Variants in CADPS2 observed in about 807,000 individuals in gnomAD.
The protein encoded by CADPS2 is calcium dependent secretion activator 2, also known as calcium-dependent secretion activator 2.
In CADPS2, 93 loss-of-function variants were observed where a neutral mutation model predicts 172.5. The observed-to-expected ratio is 0.54, with a 90% CI of 0.46 to 0.64. The LOEUF (loss-of-function observed/expected upper bound fraction) is 0.64, where lower values mean the gene tolerates loss of function less well. CADPS2 is among the 30% of genes least tolerant of loss of function. The probability of loss-of-function intolerance (pLI) is 0.00; values close to 1 mark genes in which losing one functional copy is unlikely to be tolerated. For synonymous variants in CADPS2, 546 were observed against 555.2 expected, an observed-to-expected ratio of 0.98 and a Z score of 0.23; for missense variants, 1,420 against 1,565.9, an observed-to-expected ratio of 0.91 and a Z score of 1.57.
At chr7:122,368,243 C>T (rs1168745335) in intron 25 of CADPS2, 1 of 152,322 alleles carries the variant, frequency 6.6e-6, no homozygotes, top group Non-Finnish European at 1.5e-5. Context: ...AGTTGCCCCA[C>T]CTGGTTACTC....
At chr7:122,837,058 C>T (rs965208722) in intron 1 of CADPS2, among the ~76,000 whole-genome samples, 3 of 152,182 alleles carry the variant, frequency 2.0e-5, no homozygotes, top group African/African-American at 7.2e-5. Context: ...TGTAAAAGAA[C>T]ATAAATTATA....
intron 14 of CADPS2, among the ~76,000 whole-genome samples, chr7:122,471,164 G>T (rs1478697718): frequency 6.6e-6 from 1 of 151,364 alleles, no homozygotes; most frequent in Non-Finnish European, 1.5e-5. Flanking sequence ...CTTTCGAGTG[G>T]CTTTACCAGC....
chr7:122,801,766 T>A (rs564811597), intron 1 of CADPS2, among the ~76,000 whole-genome samples: 188 of 134,738 alleles, frequency 1.4e-3, no homozygotes, highest in African/African-American at 5.6e-3. Context: ...TCTTTTTTTT[T>A]AATTTTTATT....
At chr7:122,645,733 A>G (rs1434677232) in intron 3 of CADPS2, among the ~76,000 whole-genome samples, 1 of 142,550 alleles carries the variant, frequency 7.0e-6, no homozygotes, top group Non-Finnish European at 1.5e-5. Flanking sequence ...TGCGGTAATA[A>G]AGAACAAGTT....
chr7:122,371,201 T>G (rs2041720378), intron 25 of CADPS2, among the ~76,000 whole-genome samples: 1 of 152,144 alleles, frequency 6.6e-6, no homozygotes, highest in Non-Finnish European at 1.5e-5. Flanking sequence ...CAATAAATGG[T>G]CAAATCGGTA....
chr7:122,408,915 T>C (rs2151680053), intron 19 of CADPS2, among the ~76,000 whole-genome samples: 1 of 152,310 alleles, frequency 6.6e-6, no homozygotes, highest in South Asian at 2.1e-4. Flanking sequence ...TGCCATGTAA[T>C]TAATTAGCAG....
chr7:122,553,361 GA>G (rs2064575348), intron 8 of CADPS2, among the ~76,000 whole-genome samples: 1 of 152,084 alleles, frequency 6.6e-6, no homozygotes, highest in African/African-American at 2.4e-5. Flanking sequence ...TTAAATCCCA[GA>G]TACTCCATGT....
Position 122,867,672 on chromosome 7 carries a change from C to A in CADPS2, c.339+18327G>T, listed in dbSNP as rs140931171. Among the ~76,000 whole-genome samples the A allele has an allele frequency of 3.6e-3, 541 of 152,286 alleles. 1 individual carries two copies. The highest frequency in any genetic ancestry group is 0.031 in the Middle Eastern group (9 of 294). On this transcript the variant is annotated intron_variant, in intron 1 of 29. Coordinates refer to ENST00000449022, the MANE Select transcript of CADPS2 (RefSeq NM_017954.11). The stretch of plus-strand genomic sequence containing the variant: ...TCCCAGCAGTTGTAGCCCCCAGGAT[C>A]AGCCCAACTTCTATAAACCTGCATA...
At chr7:122,736,424 TGAAAACTGGTGCTCATAG>T (rs2092153079) in intron 2 of CADPS2, among the ~76,000 whole-genome samples, 1 of 152,126 alleles carries the variant, frequency 6.6e-6, no homozygotes, top group South Asian at 2.1e-4. Flanking sequence ...TGACCATGTG[TGAAAACTGGTGCTCATAG>T]GAAATCCATA....
chr7:122,488,956 G>A (rs2058069183), intron 11 of CADPS2, among the ~76,000 whole-genome samples: 1 of 152,042 alleles, frequency 6.6e-6, no homozygotes, highest in Admixed American at 6.6e-5. Flanking sequence ...CAGCAGCAGC[G>A]AGTTAAATTT....
chr7:122,708,393 T>C (rs1435752317), intron 2 of CADPS2, among the ~76,000 whole-genome samples: 1 of 150,502 alleles, frequency 6.6e-6, no homozygotes, highest in African/African-American at 2.4e-5. Flanking sequence ...AGTTAGAATA[T>C]TCATAATGAG....
rs73717680 is a variant in CADPS2, at chr7:122,556,044, C to T, written c.1336-1355G>A. ...CTTTTCTCAAGTCCTTCCTATAAAG[C>T]CATAGCTGTGTTGAATCCAGCATAT... On this transcript the variant is annotated intron_variant, in intron 7 of 29. Transcript: ENST00000449022. 7.8e-3 allele frequency among the ~76,000 whole-genome samples: 1,186 copies of T among 152,110 alleles called. 16 individuals are homozygous for T. The highest frequency in any genetic ancestry group is 0.028 in the African/African-American group (1,146 of 41,518).
intron 20 of CADPS2, among the ~76,000 whole-genome samples, chr7:122,401,433 C>T (rs967608792): frequency 3.3e-5 from 5 of 152,116 alleles, no homozygotes; most frequent in East Asian, 1.9e-4. Context: ...CAAGGGTTTG[C>T]GTTTCAGTAG....
chr7:122,390,593 C>T (rs1248141986), intron 22 of CADPS2, among the ~76,000 whole-genome samples: 3 of 152,070 alleles, frequency 2.0e-5, no homozygotes, highest in East Asian at 3.9e-4. Flanking sequence ...TAATACATGG[C>T]AATCTTCATA....
chr7:122,386,386 T>C, intron 24 of CADPS2: 1 of 906,182 alleles, frequency 1.1e-6, no homozygotes, highest in East Asian at 3.0e-5. Flanking sequence ...GAAGAAAAAG[T>C]AATTACAATG....
intron 14 of CADPS2, among the ~76,000 whole-genome samples, chr7:122,456,296 CA>C (rs1180772295): frequency 6.6e-6 from 1 of 151,902 alleles, no homozygotes; most frequent in African/African-American, 2.4e-5. Flanking sequence ...ACATAAAAGA[CA>C]AATTTTCTCA....
chr7:122,487,833 A>G (rs1024201277), intron 11 of CADPS2, among the ~76,000 whole-genome samples: 26 of 152,182 alleles, frequency 1.7e-4, no homozygotes, highest in Non-Finnish European at 4.4e-5. Flanking sequence ...GTAACATAAG[A>G]CAGAAGCCCA....
intron 5 of CADPS2, among the ~76,000 whole-genome samples, chr7:122,618,126 A>G (rs1018117629): frequency 2.6e-5 from 4 of 151,644 alleles, no homozygotes; most frequent in African/African-American, 4.8e-5. Context: ...TTGTTTTTCT[A>G]GTATTGCTTG....
intron 1 of CADPS2, among the ~76,000 whole-genome samples, chr7:122,795,773 G>A (rs1796245499): frequency 6.6e-6 from 1 of 152,094 alleles, no homozygotes; most frequent in African/African-American, 2.4e-5. Context: ...GGCAAAAGCT[G>A]GAAGCATTCC....
Sources: gnomAD v4.1 joint callset for allele counts (sites outside exome capture counted in the v4.1 genomes callset) on GRCh38, gnomAD v4.1.1 for gene constraint, MANE v1.5 for transcripts, NCBI Gene and HGNC (gene_info 2026-07-23, HGNC 2026-07-21) for gene names.